FGF5: variants seen among roughly 807,000 people sequenced by gnomAD.
The protein encoded by FGF5 is heparin-binding growth factor 5.
In FGF5, 23 loss-of-function variants were observed where a neutral mutation model predicts 21.8. The observed-to-expected ratio is 1.05, with a 90% CI of 0.76 to 1.49. The LOEUF is 1.49. Among genes scored for constraint, FGF5 ranks in the 40% most tolerant of loss-of-function variants. FGF5 has a pLI of 0.00. For synonymous variants in FGF5, 158 were observed against 124.0 expected (o/e 1.27, Z -1.82); for missense variants, 352 against 332.9 (o/e 1.06, Z -0.45).
intron 1 of FGF5, among the ~76,000 whole-genome samples, chr4:80,271,986 C>T (rs1720283552): frequency 6.6e-6 from 1 of 152,164 alleles, no homozygotes; most frequent in African/African-American, 2.4e-5. Flanking sequence ...GGAAACTGAA[C>T]TGTGAGACTC....
Position 80,283,390 on chromosome 4 carries a change from A to G in FGF5, c.460-2935A>G, listed in dbSNP as rs192079103. ...GAACTTTAGAATATGAATCTCGAGG[A>G]AAAGAGGAGGAAAAGAGAAAGATTT... On this transcript the variant is annotated intron_variant, in intron 2 of 2. Coordinates refer to ENST00000312465, the MANE Select transcript of FGF5 (RefSeq NM_004464.4). Among the ~76,000 whole-genome samples the G allele has an allele frequency of 4.6e-5, 7 of 152,260 alleles. No individual in the cohort carries two copies. In the East Asian group the frequency reaches 1.2e-3, roughly 25 times the overall value.
Position 80,267,086 on chromosome 4 carries a change from AC to A in FGF5, c.264del (p.Gly89AlafsTer30). The A allele has an allele frequency of 3.1e-6, 5 of 1,614,130 alleles. No individual in the cohort carries two copies. The highest frequency in any genetic ancestry group is 4.2e-6 in the Non-Finnish European group (5 of 1,180,034). ...SFQWSPSGRR[T>X]GSLYCRVGIG... ...CCAGTGGAGCCCCTCGGGGCGCCGG[AC>A]CGGCAGCCTCTACTGCAGAGTGGGC... On this transcript the variant is annotated frameshift_variant, in exon 1 of 3. Coordinates refer to ENST00000312465, the MANE Select transcript of FGF5 (RefSeq NM_004464.4). LOFTEE classifies it high-confidence loss of function.
chr4:80,268,837 T>C lies in FGF5; in HGVS notation c.355+1658T>C, dbSNP rs111586962. Among the ~76,000 whole-genome samples the C allele has an allele frequency of 4.6e-5, 7 of 152,338 alleles. 1 individual carries two copies. The highest frequency in any genetic ancestry group is 1.7e-4 in the African/African-American group (7 of 41,576). ...AGGAATCTATTTCCATATTTTAGAG[T>C]TTATTTCACTCATCGAATAACTGCT... On this transcript the variant is annotated intron_variant, in intron 1 of 2. Coordinates refer to ENST00000312465, the MANE Select transcript of FGF5 (RefSeq NM_004464.4).
rs752941676 is a variant in FGF5, at chr4:80,267,061, C to G, written c.237C>G (p.Phe79Leu). 1.2e-6 allele frequency: 2 copies of G among 1,614,136 alleles called. No individual in the cohort carries two copies. Among genetic ancestry groups the G allele is most frequent in the African/African-American group, 2.7e-5 (2 of 74,954 alleles). Reference protein sequence around the residue: ...SQGSGLEQSSFQWSPSGRRTG... With the variant: ...SQGSGLEQSSLQWSPSGRRTG... ...GAAGTGGCTTGGAGCAGAGCAGTTT[C>G]CAGTGGAGCCCCTCGGGGCGCCGGA... is the stretch of plus-strand genomic sequence containing the variant. The change falls in exon 1 of 3, where the codon TTC becomes TTG. Residue 79 changes from phenylalanine to leucine, a missense_variant. Phe to Leu is a conservative substitution (Grantham distance 22). Coordinates refer to ENST00000312465, the MANE Select transcript of FGF5 (RefSeq NM_004464.4).
chr4:80,284,901 G>C (rs1372862074), intron 2 of FGF5, among the ~76,000 whole-genome samples: 4 of 152,062 alleles, frequency 2.6e-5, no homozygotes, highest in African/African-American at 9.7e-5. Context: ...GTAGCTTTTA[G>C]TGTTTTTATA....
chr4:80,275,428 G>A (rs1199032374), intron 2 of FGF5, among the ~76,000 whole-genome samples: 1 of 151,732 alleles, frequency 6.6e-6, no homozygotes, highest in East Asian at 1.9e-4. Context: ...ATACCAAATT[G>A]GGTCTCAGTA....
intron 1 of FGF5, among the ~76,000 whole-genome samples, chr4:80,270,391 A>C (rs1021706264): frequency 6.6e-6 from 1 of 151,504 alleles, no homozygotes; most frequent in African/African-American, 2.4e-5. Flanking sequence ...GCAAATTGCA[A>C]ATGTTTTCTG....
At position 80,288,133 on chromosome 4, in the gene FGF5, C is replaced by T. The variant is rs1720790898; in HGVS notation, c.*1461C>T. 1 of 152,078 alleles carries T rather than the reference C, an allele frequency of 6.6e-6. No individual in the cohort carries two copies. The allele number at this position is 152,078 out of a possible 1,614,324, so 9.4% of individuals were successfully genotyped here. On this transcript the variant is annotated 3_prime_UTR_variant, in exon 3 of 3. Coordinates refer to ENST00000312465, the MANE Select transcript of FGF5 (RefSeq NM_004464.4). ...GCTAAACATATGGCTTTAGTAGTAA[C>T]AAAAGGGTTCATAGAAACTTCATGG... is the stretch of plus-strand genomic sequence containing the variant.
intron 1 of FGF5, among the ~76,000 whole-genome samples, chr4:80,269,873 A>T (rs1265601408): frequency 2.0e-5 from 3 of 152,146 alleles, no homozygotes; most frequent in Admixed American, 2.0e-4. Context: ...AGTGTCTAAT[A>T]CTACTTCATA....
At chr4:80,284,122 T>A (rs1226787408) in intron 2 of FGF5, among the ~76,000 whole-genome samples, 2 of 152,084 alleles carry the variant, frequency 1.3e-5, no homozygotes, top group African/African-American at 2.4e-5. Flanking sequence ...ATGCCATACA[T>A]AGGTGGTGAT....
rs922885122 is a variant in FGF5, at chr4:80,288,859, C to T, written c.*2187C>T. ...TGGTTTGATTTGATTAGCATATTAA[C>T]GTGAAAGTAGGATAGCTACTAAATA... is the stretch of plus-strand genomic sequence containing the variant. On this transcript the variant is annotated 3_prime_UTR_variant, in exon 3 of 3. Transcript: ENST00000312465. 6 of 152,386 alleles carry T rather than the reference C, an allele frequency of 3.9e-5. No homozygotes were observed. Among genetic ancestry groups the T allele is most frequent in the Admixed American group, 2.0e-4 (3 of 15,258 alleles). The allele number at this position is 152,386 out of a possible 1,614,324, so 9.4% of individuals were successfully genotyped here. A position where few individuals can be genotyped will look rare whatever the true frequency, so the allele number is the denominator to read the frequency against.
In FGF5 at chr4:80,288,411, A is replaced by G. The variant is rs1013611310; in HGVS notation, c.*1739A>G. 2 of 152,186 alleles carry G rather than the reference A, an allele frequency of 1.3e-5. No homozygotes were observed. The highest frequency in any genetic ancestry group is 1.3e-4 in the Admixed American group (2 of 15,276). The allele number at this position is 152,186 out of a possible 1,614,324, so 9.4% of individuals were successfully genotyped here. ...ATAGTGTTTTATTATAAAGCCAATT[A>G]TCTGATTAAGCATTCTTTCCACTGA... On this transcript the variant is annotated 3_prime_UTR_variant, in exon 3 of 3. Transcript: ENST00000312465.
intron 1 of FGF5, among the ~76,000 whole-genome samples, chr4:80,270,296 T>C (rs932807772): frequency 2.0e-5 from 3 of 152,240 alleles, no homozygotes; most frequent in Admixed American, 6.5e-5. Flanking sequence ...AACCTAATAA[T>C]ATTCTGTAGT....
rs1391354022 is a variant in FGF5 at position 80,266,992 on chromosome 4, C to T, written c.168C>T (p.Ser56=). ...AGAGCAGCAGTAGCGCTATGTCTTCCTCTTCTGCCTCCTCCTCCCCCGCAG... is the reference window on the plus strand; with the variant it reads ...AGAGCAGCAGTAGCGCTATGTCTTCTTCTTCTGCCTCCTCCTCCCCCGCAG... ...SRQSSSSAMS[S]SSASSSPAAS... Residue 56 remains serine, a synonymous_variant, in exon 1 of 3, where the codon TCC becomes TCT. Coordinates refer to ENST00000312465, the MANE Select transcript of FGF5 (RefSeq NM_004464.4). The T allele has an allele frequency of 3.1e-6, 5 of 1,614,086 alleles. No individual in the cohort carries two copies. The highest frequency in any genetic ancestry group is 1.3e-5 in the African/African-American group (1 of 74,934).
intron 2 of FGF5, among the ~76,000 whole-genome samples, chr4:80,276,659 T>G (rs1720420654): frequency 6.8e-6 from 1 of 146,108 alleles, no homozygotes; most frequent in Non-Finnish European, 1.5e-5. Context: ...CCTTTCCCCC[T>G]GAGTTCCCAA....
intron 1 of FGF5, among the ~76,000 whole-genome samples, chr4:80,272,878 C>T (rs553794064): frequency 3.3e-5 from 5 of 152,148 alleles, no homozygotes; most frequent in African/African-American, 9.6e-5. Flanking sequence ...AATCACATCC[C>T]CCATCTCCCA....
intron 2 of FGF5, among the ~76,000 whole-genome samples, chr4:80,276,766 T>TAA (rs200626494): frequency 4.7e-4 from 65 of 139,366 alleles, no homozygotes; most frequent in South Asian, 2.0e-3. Context: ...GAAAAAAAAG[T>TAA]AAAAAAAAAA....
At position 80,286,711 on chromosome 4, in the gene FGF5, C is replaced by T. The variant is rs772667458; in HGVS notation, c.*39C>T. 13 of 1,538,668 alleles carry T rather than the reference C, an allele frequency of 8.4e-6. No homozygotes were observed. Among genetic ancestry groups the T allele is most frequent in the Non-Finnish European group, 9.8e-6 (11 of 1,120,022 alleles). On this transcript the variant is annotated 3_prime_UTR_variant, in exon 3 of 3. Coordinates refer to ENST00000312465, the MANE Select transcript of FGF5 (RefSeq NM_004464.4). ...CTTGTGAGAAACCATTCTTTCCCCT[C>T]AGGAGTTTCTATAGGTGTCTTCAGA... is the stretch of plus-strand genomic sequence containing the variant.
intron 2 of FGF5, among the ~76,000 whole-genome samples, chr4:80,284,626 G>A (rs554053527): frequency 6.6e-6 from 1 of 152,280 alleles, no homozygotes; most frequent in East Asian, 1.9e-4. Flanking sequence ...AGTAACTCCA[G>A]TAAACTATTG....
Sources: allele counts gnomAD v4.1 joint callset (sites outside exome capture counted in the v4.1 genomes callset), GRCh38; gene constraint gnomAD v4.1.1; transcripts MANE v1.5; gene names NCBI Gene and HGNC (gene_info 2026-07-23, HGNC 2026-07-21).